CAPN13: variants seen among roughly 807,000 people sequenced by gnomAD.
CAPN13 encodes the protein calpain 13, also known as calpain-13.
In CAPN13, 90 loss-of-function variants were observed where a neutral mutation model predicts 98.4. The observed-to-expected ratio is 0.92, with a 90% CI of 0.77 to 1.09. CAPN13 has a LOEUF of 1.09. Ranked by LOEUF, CAPN13 falls within the 50% of genes least tolerant of loss-of-function variation. The pLI is 0.00. For missense variants in CAPN13, 887 were observed against 841.3 expected (o/e 1.05, Z -0.67); for synonymous variants, 330 against 305.5 (o/e 1.08, Z -0.84).
intron 1 of CAPN13, among the ~76,000 whole-genome samples, chr2:30,805,083 C>T (rs1422667994): frequency 6.6e-6 from 1 of 152,200 alleles, no homozygotes; most frequent in African/African-American, 2.4e-5. Flanking sequence ...GGTGCCAAGC[C>T]TCTAGCAATT....
intron 11 of CAPN13, among the ~76,000 whole-genome samples, chr2:30,747,632 G>A (rs1671978104): frequency 6.6e-6 from 1 of 152,186 alleles, no homozygotes; most frequent in Non-Finnish European, 1.5e-5. Flanking sequence ...ACAGCAACTG[G>A]GGAGTCACAG....
chr2:30,793,558 A>G (rs1281202598), intron 1 of CAPN13, among the ~76,000 whole-genome samples: 1 of 151,748 alleles, frequency 6.6e-6, no homozygotes, highest in Non-Finnish European at 1.5e-5. Context: ...CCAAAATTCT[A>G]GCATGCTTTT....
At chr2:30,768,357 G>C (rs908107061) in intron 5 of CAPN13, among the ~76,000 whole-genome samples, 1 of 152,234 alleles carries the variant, frequency 6.6e-6, no homozygotes, top group African/African-American at 2.4e-5. Flanking sequence ...CAGAGGAAGT[G>C]GGGGTCCTGA....
chr2:30,743,568 C>T lies in CAPN13; in HGVS notation c.1260G>A (p.Glu420=). Residue 420 remains glutamate, a synonymous_variant, in exon 13 of 23, where the codon GAG becomes GAA. Coordinates refer to ENST00000295055, the MANE Select transcript of CAPN13 (RefSeq NM_144575.3). ...VILAGSQRFR[E]KFPPVFFSSF... ...AGGAAAAAAACACGGGTGGAAATTTCTCCCGGAACCGCTGGAATTAGAGGA... is the reference window on the plus strand; with the variant it reads ...AGGAAAAAAACACGGGTGGAAATTTTTCCCGGAACCGCTGGAATTAGAGGA... The T allele has an allele frequency of 6.2e-7, 1 of 1,613,974 alleles. No homozygotes were observed. The highest frequency in any genetic ancestry group is 8.5e-7 in the Non-Finnish European group (1 of 1,179,874).
intron 9 of CAPN13, among the ~76,000 whole-genome samples, chr2:30,753,649 T>A (rs554167992): frequency 3.9e-5 from 6 of 152,208 alleles, no homozygotes; most frequent in Non-Finnish European, 7.3e-5. Context: ...AAACCAGAGA[T>A]ACTGGGAAAG....
chr2:30,799,890 G>A (rs575753542), intron 1 of CAPN13, among the ~76,000 whole-genome samples: 4 of 151,964 alleles, frequency 2.6e-5, no homozygotes, highest in Admixed American at 6.6e-5. Context: ...TAGCTAACAC[G>A]GTGAAACCCC....
chr2:30,805,177 C>G (rs1339742748), intron 1 of CAPN13, among the ~76,000 whole-genome samples: 1 of 152,130 alleles, frequency 6.6e-6, no homozygotes, highest in Non-Finnish European at 1.5e-5. Flanking sequence ...ATAGGGCAAG[C>G]TTTGAACAAT....
chr2:30,785,003 G>A (rs1055249552), intron 2 of CAPN13, among the ~76,000 whole-genome samples: 40 of 152,276 alleles, frequency 2.6e-4, no homozygotes, highest in African/African-American at 8.7e-4. Context: ...TCACAGTGTC[G>A]AAGGGGTGAG....
chr2:30,782,981 G>A (rs574377803), intron 2 of CAPN13, among the ~76,000 whole-genome samples: 9 of 152,180 alleles, frequency 5.9e-5, no homozygotes, highest in Non-Finnish European at 1.2e-4. Context: ...CACGGGACTA[G>A]TGGCTACTGT....
chr2:30,741,722 G>T, intron 15 of CAPN13, 186 bp downstream of exon 15: 1 of 1,440,684 alleles, frequency 6.9e-7, no homozygotes, highest in Non-Finnish European at 9.1e-7. Flanking sequence ...TGGGTGGGGC[G>T]CCACGTCTCT....
intron 2 of CAPN13, 59 bp from the exon 3 acceptor site, chr2:30,777,698 A>G (rs1673774761): frequency 9.0e-6 from 12 of 1,329,970 alleles, no homozygotes; most frequent in Non-Finnish European, 1.3e-5. Context: ...TCCCAAAGCG[A>G]CATCATTCAC....
intron 12 of CAPN13, chr2:30,745,282 G>A (rs756430974): frequency 4.0e-5 from 19 of 475,036 alleles, no homozygotes; most frequent in Non-Finnish European, 7.9e-5. Flanking sequence ...GAGGGTGGCA[G>A]TTTCTTGCAA....
At chr2:30,797,719 C>G (rs956773373) in intron 1 of CAPN13, among the ~76,000 whole-genome samples, 1 of 152,224 alleles carries the variant, frequency 6.6e-6, no homozygotes, top group African/African-American at 2.4e-5. Context: ...AACTCCCAAC[C>G]TCGGGTCTCT....
At chr2:30,777,408 G>A (rs1007548779) in intron 3 of CAPN13, among the ~76,000 whole-genome samples, 159 bp downstream of exon 3, 9 of 152,208 alleles carry the variant, frequency 5.9e-5, no homozygotes, top group African/African-American at 1.9e-4. Context: ...CTTTTCCCCT[G>A]CTCATTGCAG....
At chr2:30,784,273 T>TC (rs1674145023) in intron 2 of CAPN13, among the ~76,000 whole-genome samples, 3 of 147,228 alleles carry the variant, frequency 2.0e-5, no homozygotes, top group Non-Finnish European at 4.6e-5. Flanking sequence ...CATTTTTCCC[T>TC]GAAAGAGTTT....
intron 20 of CAPN13, among the ~76,000 whole-genome samples, chr2:30,731,690 G>T (rs533880012): frequency 7.2e-4 from 110 of 152,278 alleles, no homozygotes; most frequent in Non-Finnish European, 1.3e-3. Context: ...TCCACACTAG[G>T]CTGTGGGGAT....
intron 1 of CAPN13, among the ~76,000 whole-genome samples, chr2:30,800,116 A>AAAAGAAAGAAAAG (rs1675126547): frequency 2.3e-5 from 2 of 85,656 alleles, no homozygotes; most frequent in East Asian, 3.9e-4. Flanking sequence ...GAAAAGAAAG[A>AAAAGAAAGAAAAG]AAAGAAAGAA....
At chr2:30,741,828 A>C in intron 15 of CAPN13, 80 bp downstream of exon 15, 1 of 1,608,342 alleles carries the variant, frequency 6.2e-7, no homozygotes, top group Non-Finnish European at 8.5e-7. Context: ...GCATCCCAGT[A>C]AGGGCCTGTG....
chr2:30,736,596 C>G, intron 17 of CAPN13, 25 bp from the exon 18 acceptor site: 2 of 1,612,768 alleles, frequency 1.2e-6, no homozygotes, highest in Non-Finnish European at 1.7e-6. Context: ...AAGAGTGAAC[C>G]AGCCAGCGTG....
Sources: allele counts gnomAD v4.1 joint callset (sites outside exome capture counted in the v4.1 genomes callset), GRCh38; gene constraint gnomAD v4.1.1; transcripts MANE v1.5; gene names NCBI Gene and HGNC (gene_info 2026-07-23, HGNC 2026-07-21).